The following PRKG1 variants were observed in gnomAD, a reference collection of about 807,000 sequenced individuals.
PRKG1 encodes cGMP-dependent protein kinase 1.
PRKG1 carries 35 observed loss-of-function variants against 88.1 expected under a neutral mutation model. The ratio of observed to expected loss-of-function variants is 0.40; its 90% CI spans 0.30 to 0.53. The LOEUF is 0.53. PRKG1 is among the 20% of genes least tolerant of loss of function. The pLI, the probability that PRKG1 is intolerant of heterozygous loss-of-function variation, is 0.59. For synonymous variants in PRKG1, 303 were observed against 292.5 expected, an observed-to-expected ratio of 1.04 and a Z score of -0.37; for missense variants, 540 against 839.8, an observed-to-expected ratio of 0.64 and a Z score of 4.41.
intron 8 of PRKG1, among the ~76,000 whole-genome samples, chr10:52,145,443 A>T (rs569016160): frequency 1.3e-5 from 2 of 152,340 alleles, no homozygotes; most frequent in Admixed American, 6.5e-5. Context: ...TTCTTCAGTT[A>T]AAAAGATAAT....
chr10:51,682,653 C>G (rs1356866647), intron 3 of PRKG1, among the ~76,000 whole-genome samples: 1 of 152,148 alleles, frequency 6.6e-6, no homozygotes, highest in Admixed American at 6.5e-5. Flanking sequence ...AAGCATGGTA[C>G]AAGTGCTTTA....
At chr10:51,464,917 A>G (rs1031640406) in intron 2 of PRKG1, among the ~76,000 whole-genome samples, 3 of 151,330 alleles carry the variant, frequency 2.0e-5, no homozygotes, top group African/African-American at 7.3e-5. Context: ...AAAAGATAAG[A>G]TCAGGAAAAT....
At chr10:51,710,597 G>C (rs1841720258) in intron 3 of PRKG1, among the ~76,000 whole-genome samples, 1 of 152,244 alleles carries the variant, frequency 6.6e-6, no homozygotes, top group South Asian at 2.1e-4. Context: ...GTCCTTTCAC[G>C]ACCAGAGTTC....
At chr10:51,671,567 T>C (rs1840577171) in intron 3 of PRKG1, among the ~76,000 whole-genome samples, 1 of 151,780 alleles carries the variant, frequency 6.6e-6, no homozygotes, top group Admixed American at 6.6e-5. Context: ...TCTCAGTGCC[T>C]CTTCTTCTCT....
At chr10:51,464,779 T>C (rs1281660050) in intron 2 of PRKG1, among the ~76,000 whole-genome samples, 1 of 148,016 alleles carries the variant, frequency 6.8e-6, no homozygotes, top group Non-Finnish European at 1.5e-5. Context: ...TAGTCCCAGC[T>C]ACTTGGGAGG....
chr10:51,362,341 C>A (rs570822078), intron 2 of PRKG1, among the ~76,000 whole-genome samples: 1 of 151,780 alleles, frequency 6.6e-6, no homozygotes, highest in East Asian at 1.9e-4. Flanking sequence ...TATGACTTTT[C>A]CAGGAAAACC....
chr10:51,389,371 C>A (rs2090877414), intron 2 of PRKG1, among the ~76,000 whole-genome samples: 1 of 152,146 alleles, frequency 6.6e-6, no homozygotes, highest in South Asian at 2.1e-4. Context: ...AAAAGAACCC[C>A]ACAGATAGAA....
chr10:51,141,024 C>A (rs1564615614), intron 1 of PRKG1, among the ~76,000 whole-genome samples: 1 of 152,156 alleles, frequency 6.6e-6, no homozygotes. Context: ...GCTTGAACTC[C>A]CTTTGGATTA....
At chr10:51,173,633 C>G (rs1359125915) in intron 2 of PRKG1, among the ~76,000 whole-genome samples, 1 of 151,870 alleles carries the variant, frequency 6.6e-6, no homozygotes, top group Non-Finnish European at 1.5e-5. Flanking sequence ...TCGATGTCTT[C>G]TAATCACTTG....
intron 12 of PRKG1, among the ~76,000 whole-genome samples, chr10:52,276,753 G>C (rs1841883180): frequency 6.6e-6 from 1 of 152,056 alleles, no homozygotes; most frequent in Non-Finnish European, 1.5e-5. Context: ...GGTTTCTTTT[G>C]TTTTAAATCA....
chr10:51,583,795 G>A lies in PRKG1; in HGVS notation c.592+115959G>A, dbSNP rs77309891. Among the ~76,000 whole-genome samples the A allele has an allele frequency of 4.6e-3, 701 of 152,142 alleles. 7 individuals are homozygous for A. The highest frequency in any genetic ancestry group is 0.016 in the African/African-American group (661 of 41,560). ...TTAAGGTTTGCATATATACTATAATGGAGCAGAGACAAAGTTTTGTATTGA... is the reference window on the plus strand; with the variant it reads ...TTAAGGTTTGCATATATACTATAATAGAGCAGAGACAAAGTTTTGTATTGA... On this transcript the variant is annotated intron_variant, in intron 3 of 17. Transcript: ENST00000373980.
At chr10:51,580,699 G>A (rs1838008946) in intron 3 of PRKG1, among the ~76,000 whole-genome samples, 2 of 143,128 alleles carry the variant, frequency 1.4e-5, no homozygotes, top group Admixed American at 7.3e-5. Flanking sequence ...TTTATTAAAT[G>A]TAGAAAAATT....
intron 4 of PRKG1, among the ~76,000 whole-genome samples, chr10:51,856,053 G>C (rs1840670683): frequency 6.6e-6 from 1 of 152,074 alleles, no homozygotes. Context: ...CTTAGCTTCT[G>C]GTCACATCCC....
chr10:52,260,571 T>TTGAA (rs1841409763), intron 10 of PRKG1, among the ~76,000 whole-genome samples: 2 of 152,134 alleles, frequency 1.3e-5, no homozygotes, highest in South Asian at 2.1e-4. Flanking sequence ...TTAGAATAAA[T>TTGAA]TGAATCTATG....
In PRKG1 at chr10:51,762,837, G is replaced by A. The variant is rs564732375; in HGVS notation, c.593-41748G>A. Among the ~76,000 whole-genome samples, 53 of 152,230 alleles carry A rather than the reference G, an allele frequency of 3.5e-4. No homozygotes were observed. In the South Asian group the frequency reaches 0.01, roughly 30 times the overall value. ...CTTAATTCTTTCTTTTCACAAATGC[G>A]ATAGCTAGAAGGATCTATATCCTCA... On this transcript the variant is annotated intron_variant, in intron 3 of 17. Coordinates refer to ENST00000373980, the MANE Select transcript of PRKG1 (RefSeq NM_006258.4).
chr10:51,138,974 G>T (rs1181351584), intron 1 of PRKG1, among the ~76,000 whole-genome samples: 4 of 151,976 alleles, frequency 2.6e-5, no homozygotes, highest in East Asian at 1.9e-4. Flanking sequence ...GAGCCACTCC[G>T]CCCGGCCACA....
At chr10:51,301,135 G>A (rs1408394055) in intron 2 of PRKG1, among the ~76,000 whole-genome samples, 2 of 152,152 alleles carry the variant, frequency 1.3e-5, no homozygotes, top group Non-Finnish European at 2.9e-5. Flanking sequence ...CAACAGATTA[G>A]TGAAAGAAAC....
intron 9 of PRKG1, among the ~76,000 whole-genome samples, chr10:52,247,068 T>C (rs1371598949): frequency 1.3e-5 from 2 of 152,230 alleles, no homozygotes; most frequent in East Asian, 3.9e-4. Context: ...TAACCTACTT[T>C]ATGGCTTTAT....
At chr10:51,635,111 T>C (rs936302979) in intron 3 of PRKG1, among the ~76,000 whole-genome samples, 1 of 152,112 alleles carries the variant, frequency 6.6e-6, no homozygotes, top group Non-Finnish European at 1.5e-5. Context: ...AGAAAAAGAA[T>C]GCCTGGTAAT....
Sources: allele counts gnomAD v4.1 joint callset (sites outside exome capture counted in the v4.1 genomes callset), GRCh38; gene constraint gnomAD v4.1.1; transcripts MANE v1.5; gene names NCBI Gene and HGNC (gene_info 2026-07-23, HGNC 2026-07-21).